Variants in TMEM51 observed in about 807,000 individuals in gnomAD.
TMEM51 encodes transmembrane protein 51, also known as chromosome 1 open reading frame 72.
Under a neutral mutation model 13.6 loss-of-function variants are expected in TMEM51, and 8 were observed. The ratio of observed to expected loss-of-function variants is 0.59; its 90% confidence interval spans 0.35 to 1.07. The LOEUF (loss-of-function observed/expected upper bound fraction) is 1.07, where lower values mean the gene tolerates loss of function less well. TMEM51 is among the 50% of genes least tolerant of loss of function. TMEM51 has a pLI of 0.02. For missense variants in TMEM51, 279 were observed against 330.7 expected (o/e 0.84, Z 1.21); for synonymous variants, 147 against 144.4 (o/e 1.02, Z -0.13).
chr1:15,200,764 C>G (rs184815918), intron 1 of TMEM51, among the ~76,000 whole-genome samples: 137 of 152,280 alleles, frequency 9.0e-4, no homozygotes, highest in Non-Finnish European at 1.6e-3. Context: ...TTATTTACAA[C>G]ACATCCAGAT....
At chr1:15,155,687 C>T (rs767580419) in intron 1 of TMEM51, among the ~76,000 whole-genome samples, 1 of 152,042 alleles carries the variant, frequency 6.6e-6, no homozygotes, top group Non-Finnish European at 1.5e-5. Context: ...GGGGAAGGTG[C>T]TCAGGCAGTG....
intron 1 of TMEM51, among the ~76,000 whole-genome samples, chr1:15,167,326 C>CAAAAAAAAAAAAAAAAAAAAAAAAAAAA (rs555274126): frequency 1.4e-5 from 1 of 69,446 alleles, no homozygotes; most frequent in Non-Finnish European, 2.8e-5. Flanking sequence ...GACTCCATCT[C>CAAAAAAAAAAAAAAAAAAAAAAAAAAAA]AAAAAAAAAA....
At chr1:15,166,920 C>G (rs982484071) in intron 1 of TMEM51, among the ~76,000 whole-genome samples, 1 of 152,142 alleles carries the variant, frequency 6.6e-6, no homozygotes, top group African/African-American at 2.4e-5. Flanking sequence ...CTCCACCCCC[C>G]AGCAGCCACT....
rs996822856 is a variant in TMEM51, at chr1:15,219,591, C to T, written c.610C>T (p.Arg204Ter). 6.2e-6 allele frequency: 10 copies of T among 1,614,064 alleles called. No homozygotes were observed. Among genetic ancestry groups the T allele is most frequent in the Non-Finnish European group, 6.8e-6 (8 of 1,180,032 alleles). ...CAAACGACTGAAACCGCTGAAAGTT[C>T]GAAGGATTAAATCTGAAAAGCTTCA... Reference protein sequence around the residue: ...LAKRLKPLKVRRIKSEKLHLK... With the variant: ...LAKRLKPLKV Residue 204 changes from arginine (R) to a stop codon, truncating the protein, a stop_gained, in exon 4 of 4, where the codon CGA becomes TGA. Transcript: ENST00000376008. LOFTEE classifies it high-confidence loss of function.
chr1:15,180,992 C>G (rs567857299), intron 1 of TMEM51, among the ~76,000 whole-genome samples: 283 of 152,240 alleles, frequency 1.9e-3, no homozygotes, highest in African/African-American at 6.6e-3. Flanking sequence ...GCAGAAGACC[C>G]CCTGCAGACT....
At chr1:15,182,782 G>A (rs1018005093) in intron 1 of TMEM51, among the ~76,000 whole-genome samples, 2 of 152,082 alleles carry the variant, frequency 1.3e-5, no homozygotes, top group East Asian at 1.9e-4. Context: ...CTTTTGGGGG[G>A]CACAGAATCT....
At chr1:15,171,741 A>T (rs1160897617) in intron 1 of TMEM51, among the ~76,000 whole-genome samples, 1 of 152,222 alleles carries the variant, frequency 6.6e-6, no homozygotes, top group African/African-American at 2.4e-5. Context: ...TGGGAAAAGT[A>T]GTTCCAGCTT....
chr1:15,214,211 G>A (rs1004846260), intron 2 of TMEM51, among the ~76,000 whole-genome samples: 14 of 152,044 alleles, frequency 9.2e-5, no homozygotes, highest in African/African-American at 3.4e-4. Context: ...GGAAGAGAGA[G>A]ACTCACCACG....
chr1:15,159,214 G>A (rs986716295), intron 1 of TMEM51, among the ~76,000 whole-genome samples: 4 of 152,180 alleles, frequency 2.6e-5, no homozygotes, highest in Non-Finnish European at 4.4e-5. Flanking sequence ...GCCATTGTTC[G>A]TCTAGCCTCC....
chr1:15,178,429 C>T (rs1273423407), intron 1 of TMEM51, among the ~76,000 whole-genome samples: 1 of 152,168 alleles, frequency 6.6e-6, no homozygotes, highest in Admixed American at 6.5e-5. Context: ...TAATTAAAAG[C>T]AGATGCCGGG....
chr1:15,161,746 T>C lies in TMEM51; in HGVS notation c.-267+7792T>C, dbSNP rs1642787798. ...GAGATCGAGACCATCCTGGCCAACA[T>C]GGTGAAACCCAGTCTTTACTAAAAA... On this transcript the variant is annotated intron_variant, in intron 1 of 3. Transcript: ENST00000376008. The surrounding 1 kb of genome is among the most constrained non-coding windows in gnomAD (Gnocchi z 4.0). Among the ~76,000 whole-genome samples the C allele has an allele frequency of 6.6e-6, 1 of 151,790 alleles. No homozygotes were observed. The highest frequency in any genetic ancestry group is 2.1e-4 in the South Asian group (1 of 4,816).
chr1:15,191,440 G>A lies in TMEM51; in HGVS notation c.-266-19050G>A, dbSNP rs35813633. On this transcript the variant is annotated intron_variant, in intron 1 of 3. Transcript: ENST00000376008. ...GCCCTTCTTGGGGCGGTGGGTAGCC[G>A]TTTATCAGGTTTTCACCCACGTCGA... Among the ~76,000 whole-genome samples the A allele has an allele frequency of 2.9e-3, 438 of 152,254 alleles. 3 individuals carry two copies. Among genetic ancestry groups the A allele is most frequent in the Middle Eastern group, 0.017 (5 of 294 alleles).
At chr1:15,181,394 C>T (rs1173317006) in intron 1 of TMEM51, among the ~76,000 whole-genome samples, 4 of 152,316 alleles carry the variant, frequency 2.6e-5, no homozygotes, top group African/African-American at 7.2e-5. Flanking sequence ...ACAGGATAGC[C>T]TCCAGGTGGC....
intron 1 of TMEM51, among the ~76,000 whole-genome samples, chr1:15,208,684 GT>G (rs1644290495): frequency 6.6e-6 from 1 of 152,062 alleles, no homozygotes; most frequent in South Asian, 2.1e-4. Flanking sequence ...GTGGAAGGGT[GT>G]TTTCAAGCAG....
At chr1:15,154,728 G>A (rs950730450) in intron 1 of TMEM51, among the ~76,000 whole-genome samples, 3 of 152,180 alleles carry the variant, frequency 2.0e-5, no homozygotes, top group Non-Finnish European at 4.4e-5. Context: ...CCAGCGGTGG[G>A]GGCGAGAGAC....
chr1:15,164,328 A>C (rs1373670934), intron 1 of TMEM51: 2 of 455,886 alleles, frequency 4.4e-6, no homozygotes, highest in African/African-American at 4.0e-5. Flanking sequence ...ACACTTTCTC[A>C]GTCTTTTCTT....
intron 1 of TMEM51, among the ~76,000 whole-genome samples, chr1:15,198,353 G>A (rs4661598): frequency 0.61 from 93,380 of 152,052 alleles, 29,257 homozygotes; most frequent in East Asian, 0.93. Flanking sequence ...ACGGAAAGCC[G>A]AGCATCAGCT....
At chr1:15,152,623 A>G (rs1642434749), upstream of TMEM51, 1 of 152,332 alleles carries the variant, frequency 6.6e-6, no homozygotes, top group Non-Finnish European at 1.5e-5. Flanking sequence ...TCGGAATTCA[A>G]AAAAATCTAA....
rs77627910 is a variant in TMEM51, at chr1:15,219,040, C to A, written c.345-286C>A. Among the ~76,000 whole-genome samples, 1,084 of 152,094 alleles carry A rather than the reference C, an allele frequency of 7.1e-3. 12 individuals are homozygous for A. Among genetic ancestry groups the A allele is most frequent in the Non-Finnish European group, 0.011 (748 of 67,950 alleles). The stretch of plus-strand genomic sequence containing the variant: ...TTCCTTCCTTGATGAAGCCAAGAAC[C>A]CTCCCAGGCTAAGCCCCAATTTGGG... On this transcript the variant is annotated intron_variant, in intron 3 of 3. Transcript: ENST00000376008.
Sources: allele counts gnomAD v4.1 joint callset (sites outside exome capture counted in the v4.1 genomes callset), GRCh38; gene constraint gnomAD v4.1.1; non-coding constraint Gnocchi (gnomAD v3.1); transcripts MANE v1.5; gene names NCBI Gene and HGNC (gene_info 2026-07-23, HGNC 2026-07-21).